The following DDC variants were observed in gnomAD, a reference collection of about 807,000 sequenced individuals.
DDC encodes the protein dopa decarboxylase.
A neutral mutation model predicts 60.0 loss-of-function variants in DDC; 43 were observed. The ratio of observed to expected loss-of-function variants is 0.72; its 90% CI spans 0.56 to 0.92. The LOEUF (loss-of-function observed/expected upper bound fraction) is 0.92, where lower values mean the gene tolerates loss of function less well. Ranked by LOEUF, DDC falls within the 40% of genes least tolerant of loss-of-function variation. The pLI is 0.00. For missense variants in DDC, 573 were observed against 620.2 expected, an observed-to-expected ratio of 0.92 and a Z score of 0.81; for synonymous variants, 232 against 234.6, an observed-to-expected ratio of 0.99 and a Z score of 0.10.
chr7:50,503,905 G>A lies in DDC; in HGVS notation c.781+88C>T, dbSNP rs188082370. 378 of 955,248 alleles carry A rather than the reference G, an allele frequency of 4.0e-4. 1 individual carries two copies. In the East Asian group the frequency reaches 7.7e-3, roughly 19 times the overall value. The allele number at this position is 955,248 out of a possible 1,614,324, so 59.2% of individuals were successfully genotyped here. On this transcript the variant is annotated intron_variant, in intron 7 of 14. Coordinates refer to ENST00000444124, the MANE Select transcript of DDC (RefSeq NM_001082971.2). ...CAAACCATCACAATATGAAGTTAAC[G>A]ACAAGAAAGAGATCAACGAGGAAGG... is the stretch of plus-strand genomic sequence containing the variant.
intron 1 of DDC, among the ~76,000 whole-genome samples, chr7:50,555,753 C>A (rs10249420): frequency 6.6e-6 from 1 of 152,154 alleles, no homozygotes; most frequent in East Asian, 1.9e-4. Flanking sequence ...CTATTACTCC[C>A]TTTAACAGAT....
At chr7:50,534,922 C>CAGT (rs1218880833) in intron 4 of DDC, among the ~76,000 whole-genome samples, 1 of 152,184 alleles carries the variant, frequency 6.6e-6, no homozygotes, top group African/African-American at 2.4e-5. Flanking sequence ...GGACAGTGTG[C>CAGT]AGTAGCTCCC....
At chr7:50,460,840 G>A (rs2042257088) in intron 14 of DDC, among the ~76,000 whole-genome samples, 1 of 151,542 alleles carries the variant, frequency 6.6e-6, no homozygotes, top group African/African-American at 2.4e-5. Context: ...TTAAACAGAT[G>A]CTTGAAGGCA....
intron 1 of DDC, among the ~76,000 whole-genome samples, chr7:50,546,288 G>C (rs1339259542): frequency 6.6e-6 from 1 of 152,148 alleles, no homozygotes; most frequent in East Asian, 1.9e-4. Context: ...TTTTACTCAA[G>C]ACCACTGCAA....
intron 6 of DDC, among the ~76,000 whole-genome samples, chr7:50,512,455 A>C (rs997864217): frequency 6.6e-6 from 1 of 152,210 alleles, no homozygotes; most frequent in South Asian, 2.1e-4. Context: ...TGCAACTTCA[A>C]TATAAGGGTT....
At chr7:50,479,937 C>G in intron 9 of DDC, 74 bp from the exon 10 acceptor site, 1 of 1,210,246 alleles carries the variant, frequency 8.3e-7, no homozygotes, top group Non-Finnish European at 1.2e-6. Context: ...CTCTCCCCAC[C>G]TGCCTCAGCT....
intron 6 of DDC, among the ~76,000 whole-genome samples, chr7:50,504,266 C>T (rs2043335003): frequency 6.6e-6 from 1 of 152,160 alleles, no homozygotes; most frequent in African/African-American, 2.4e-5. Flanking sequence ...AACAGATTTG[C>T]AGACAGAAAA....
At chr7:50,558,377 A>C (rs1270003431) in intron 1 of DDC, among the ~76,000 whole-genome samples, 1 of 152,226 alleles carries the variant, frequency 6.6e-6, no homozygotes, top group East Asian at 1.9e-4. Context: ...GTAAATATTG[A>C]CTTCTACATT....
chr7:50,509,649 T>C lies in DDC; in HGVS notation c.715-5590A>G, dbSNP rs117284470. On this transcript the variant is annotated intron_variant, in intron 6 of 14. Transcript: ENST00000444124. ...AAGAAAATCGTAAATTACTTCCTCTTAGCAAATGAATGAATGAATGAATGA... is the reference window on the plus strand; with the variant it reads ...AAGAAAATCGTAAATTACTTCCTCTCAGCAAATGAATGAATGAATGAATGA... 4.2e-3 allele frequency among the ~76,000 whole-genome samples: 645 copies of C among 152,292 alleles called. 2 individuals carry two copies. The highest frequency in any genetic ancestry group is 7.3e-3 in the Non-Finnish European group (500 of 68,028).
At chr7:50,490,466 C>T (rs1334227727) in intron 9 of DDC, among the ~76,000 whole-genome samples, 1 of 152,112 alleles carries the variant, frequency 6.6e-6, no homozygotes, top group Non-Finnish European at 1.5e-5. Context: ...GTCAGGAGAT[C>T]GAGATCATCC....
chr7:50,460,397 C>A (rs1028583907), intron 14 of DDC, among the ~76,000 whole-genome samples: 5 of 149,732 alleles, frequency 3.3e-5, no homozygotes, highest in African/African-American at 1.3e-4. Context: ...CCGCCCCATC[C>A]GGGAGGAAGG....
At chr7:50,510,786 C>G (rs1338648579) in intron 6 of DDC, among the ~76,000 whole-genome samples, 4 of 151,554 alleles carry the variant, frequency 2.6e-5, no homozygotes, top group Non-Finnish European at 5.9e-5. Context: ...TCGAGACCAT[C>G]CTGGCTAACA....
intron 7 of DDC, among the ~76,000 whole-genome samples, 155 bp downstream of exon 7, chr7:50,503,838 G>A (rs1407282632): frequency 6.6e-6 from 1 of 152,140 alleles, no homozygotes; most frequent in Non-Finnish European, 1.5e-5. Context: ...TGGAGTTCAA[G>A]CTAATGAGGT....
chr7:50,502,138 G>A (rs1458559663), intron 7 of DDC, among the ~76,000 whole-genome samples: 2 of 152,128 alleles, frequency 1.3e-5, no homozygotes, highest in African/African-American at 2.4e-5. Flanking sequence ...GGATGAAAGG[G>A]TTTTGGCATT....
chr7:50,490,969 G>A (rs945077182), intron 9 of DDC, among the ~76,000 whole-genome samples: 1 of 152,168 alleles, frequency 6.6e-6, no homozygotes, highest in African/African-American at 2.4e-5. Context: ...TAGTACATCT[G>A]TAATTAGAGT....
intron 6 of DDC, among the ~76,000 whole-genome samples, chr7:50,510,632 G>A (rs1298668512): frequency 1.4e-5 from 2 of 140,100 alleles, no homozygotes; most frequent in East Asian, 4.2e-4. Flanking sequence ...TCACATCACT[G>A]CACTCCAGCC....
chr7:50,506,191 C>G (rs2043390443), intron 6 of DDC, among the ~76,000 whole-genome samples: 1 of 152,176 alleles, frequency 6.6e-6, no homozygotes, highest in Admixed American at 6.5e-5. Flanking sequence ...TGTCTGGTAC[C>G]TAGCCCTTGA....
At chr7:50,548,852 G>A (rs972430296) in intron 1 of DDC, among the ~76,000 whole-genome samples, 8 of 152,166 alleles carry the variant, frequency 5.3e-5, no homozygotes, top group African/African-American at 1.2e-4. Flanking sequence ...GTCAATGCCC[G>A]GCTTCAAAAC....
intron 9 of DDC, among the ~76,000 whole-genome samples, chr7:50,487,514 T>C (rs1371414685): frequency 6.6e-6 from 1 of 152,144 alleles, no homozygotes; most frequent in Non-Finnish European, 1.5e-5. Flanking sequence ...TTTAATCTTT[T>C]TTTTTGTAAA....
Sources: allele counts gnomAD v4.1 joint callset (sites outside exome capture counted in the v4.1 genomes callset), GRCh38; gene constraint gnomAD v4.1.1; transcripts MANE v1.5; gene names NCBI Gene and HGNC (gene_info 2026-07-23, HGNC 2026-07-21).